RECQL5: variants seen among roughly 807,000 people sequenced by gnomAD.
RECQL5 encodes RecQ like helicase 5, also known as ATP-dependent DNA helicase Q5.
Under a neutral mutation model 103.4 loss-of-function variants are expected in RECQL5, and 88 were observed. The ratio of observed to expected loss-of-function variants is 0.85; its 90% CI spans 0.72 to 1.02. RECQL5 has a LOEUF of 1.02. RECQL5 is among the 50% of genes least tolerant of loss of function. RECQL5 has a pLI of 0.00. For synonymous variants in RECQL5, 552 were observed against 507.9 expected, an observed-to-expected ratio of 1.09 and a Z score of -1.17; for missense variants, 1,232 against 1,284.3, an observed-to-expected ratio of 0.96 and a Z score of 0.62.
At chr17:75,642,029 C>T (rs900568923) in intron 8 of RECQL5, among the ~76,000 whole-genome samples, 2 of 152,168 alleles carry the variant, frequency 1.3e-5, no homozygotes, top group South Asian at 2.1e-4. Flanking sequence ...ATCACCATGA[C>T]CCGTTATTAT....
In RECQL5 at chr17:75,636,277, G is replaced by A. The variant is rs1451202893; in HGVS notation, c.1230-4609C>T. Among the ~76,000 whole-genome samples, 1 of 152,094 alleles carries A rather than the reference G, an allele frequency of 6.6e-6. No individual in the cohort carries two copies. Among genetic ancestry groups the A allele is most frequent in the Non-Finnish European group, 1.5e-5 (1 of 68,008 alleles). On this transcript the variant is annotated intron_variant, in intron 8 of 19. Coordinates refer to ENST00000317905, the MANE Select transcript of RECQL5 (RefSeq NM_004259.7). The surrounding 1 kb of genome is among the most constrained non-coding windows in gnomAD (Gnocchi z 5.4). The stretch of plus-strand genomic sequence containing the variant: ...GGACTCTGGTTGCCCTGGTTCGCAG[G>A]TGGGCACTACCAAGCGTGGGGTTGG...
At chr17:75,641,190 A>G in intron 8 of RECQL5, 1 of 366,918 alleles carries the variant, frequency 2.7e-6, no homozygotes, top group East Asian at 4.9e-5. Context: ...TTAACAAAAC[A>G]AGGAAGTAGG....
intron 15 of RECQL5, 73 bp from the exon 16 acceptor site, chr17:75,629,548 T>C (rs1034360739): frequency 2.7e-5 from 40 of 1,497,052 alleles, no homozygotes; most frequent in Non-Finnish European, 3.2e-5. Flanking sequence ...GCTGGAGCAG[T>C]AACTCACATT....
rs753625950 is a variant in RECQL5 at position 75,665,143 on chromosome 17, T to A, written c.160A>T (p.Thr54Ser). The change falls in exon 3 of 20, where the codon ACA becomes TCA. Residue 54 changes from threonine to serine, a missense_variant. Thr to Ser is a moderately conservative substitution (Grantham distance 58, BLOSUM62 1). Coordinates refer to ENST00000317905, the MANE Select transcript of RECQL5 (RefSeq NM_004259.7). ...GNKDVFVCMP[T>S]GAGKSLCYQL... Reference sequence around the variant, plus strand: ...TAGCATAGGGATTTTCCTGCCCCTGTGGGCATGCACACAAAGACGTCCTTG... The same window carrying A: ...TAGCATAGGGATTTTCCTGCCCCTGAGGGCATGCACACAAAGACGTCCTTG... The A allele has an allele frequency of 1.2e-6, 2 of 1,611,558 alleles. No individual in the cohort carries two copies. Among genetic ancestry groups the A allele is most frequent in the Non-Finnish European group, 1.7e-6 (2 of 1,179,224 alleles).
At position 75,630,632 on chromosome 17, in the gene RECQL5, G is replaced by C. The variant is rs776375606; in HGVS notation, c.1705C>G (p.Arg569Gly). The C allele has an allele frequency of 1.2e-5, 19 of 1,613,584 alleles. No individual in the cohort carries two copies. Among genetic ancestry groups the C allele is most frequent in the Non-Finnish European group, 1.6e-5 (19 of 1,179,858 alleles). Reference sequence around the variant, plus strand: ...CGTGGAACTCACTCATCAGCGGTACGTGTTGACTGGCGGTTGCTGCTCAGC... The same window carrying C: ...CGTGGAACTCACTCATCAGCGGTACCTGTTGACTGGCGGTTGCTGCTCAGC... ...EALSSNRQST[R>G]TADEADLRAK... The change falls in exon 13 of 20, where the codon CGT becomes GGT. Residue 569 changes from arginine (R) to glycine (G), a missense_variant. By Grantham distance (125) the Arg-to-Gly change is moderately radical. Coordinates refer to ENST00000317905, the MANE Select transcript of RECQL5 (RefSeq NM_004259.7).
chr17:75,631,665 G>A lies in RECQL5; in HGVS notation c.1233C>T (p.Cys411=). The change falls in exon 9 of 20, where the codon TGC becomes TGT. Residue 411 remains cysteine, a synonymous_variant. Transcript: ENST00000317905. ...ALVTFCEELG[C]RHAAIAKYFG... ...AGTACTTGGCAATGGCGGCATGGCG[G>A]CACCTGGAGCAGGCAGCACCGCAGA... 1 of 1,610,432 alleles carries A rather than the reference G, an allele frequency of 6.2e-7. No individual in the cohort carries two copies. Among genetic ancestry groups the A allele is most frequent in the Non-Finnish European group, 8.5e-7 (1 of 1,179,524 alleles).
At chr17:75,630,491 T>C in intron 13 of RECQL5, 128 bp downstream of exon 13, 10 of 1,060,398 alleles carry the variant, frequency 9.4e-6, no homozygotes, top group Non-Finnish European at 1.4e-5. Context: ...GTAGGGGCAG[T>C]CCCCTGGAGT....
intron 8 of RECQL5, chr17:75,650,098 A>G (rs2059536336): frequency 1.0e-6 from 1 of 985,674 alleles, no homozygotes; most frequent in Admixed American, 6.1e-5. Flanking sequence ...ATTCCTCACC[A>G]GAAATAAGAG....
In RECQL5 at chr17:75,631,140, C is replaced by G. The variant is rs769101788; in HGVS notation, c.1548+10G>C. ...GGGCCCCACACAGGCCACTGAGTGC[C>G]TCCCCTCACCTTGCGCAGCTGCATC... On this transcript the variant is annotated intron_variant, in intron 10 of 19. Coordinates refer to ENST00000317905, the MANE Select transcript of RECQL5 (RefSeq NM_004259.7). 2 of 1,613,308 alleles carry G rather than the reference C, an allele frequency of 1.2e-6. No individual in the cohort carries two copies. Among genetic ancestry groups the G allele is most frequent in the East Asian group, 4.5e-5 (2 of 44,874 alleles).
chr17:75,653,043 G>C (rs1032751779), intron 7 of RECQL5, among the ~76,000 whole-genome samples: 1 of 152,210 alleles, frequency 6.6e-6, no homozygotes, highest in African/African-American at 2.4e-5. Context: ...CACACAGCAG[G>C]CAGAGCCCCA....
At chr17:75,633,008 G>A (rs2059247875) in intron 8 of RECQL5, among the ~76,000 whole-genome samples, 1 of 152,264 alleles carries the variant, frequency 6.6e-6, no homozygotes, top group South Asian at 2.1e-4. Flanking sequence ...ACCCCGGTAA[G>A]GAAGCAGGGC....
Position 75,661,551 on chromosome 17 carries a change from C to T in RECQL5, c.874+55G>A, listed in dbSNP as rs952922480. On this transcript the variant is annotated intron_variant, in intron 5 of 19. Coordinates refer to ENST00000317905, the MANE Select transcript of RECQL5 (RefSeq NM_004259.7). ...ACCAGGATCTGTAAAGAACAAGAGA[C>T]CAGCTAAGAAGCCTCTGAGGGTGAA... 2.5e-6 allele frequency: 3 copies of T among 1,217,898 alleles called. No homozygotes were observed. The East Asian group carries it at 7.0e-5, about 28-fold the overall frequency. 75.4% of individuals were successfully genotyped at this position (1,217,898 alleles called of 1,614,324 possible).
At chr17:75,634,065 C>G in intron 8 of RECQL5, 1 of 985,608 alleles carries the variant, frequency 1.0e-6, no homozygotes, top group Non-Finnish European at 1.2e-6. Flanking sequence ...CAGGCAGAGA[C>G]AGCAGCTGGC....
At chr17:75,642,827 T>G (rs1262275863) in intron 8 of RECQL5, among the ~76,000 whole-genome samples, 2 of 152,238 alleles carry the variant, frequency 1.3e-5, no homozygotes, top group Non-Finnish European at 2.9e-5. Context: ...AGGTAACTTG[T>G]CTACATTCAA....
At position 75,629,479 on chromosome 17, in the gene RECQL5, T is replaced by C; in HGVS notation, c.1948-4A>G. 1 of 1,501,118 alleles carries C rather than the reference T, an allele frequency of 6.7e-7. No individual in the cohort carries two copies. The highest frequency in any genetic ancestry group is 8.9e-7 in the Non-Finnish European group (1 of 1,125,510). 93.0% of individuals were successfully genotyped at this position (1,501,118 alleles called of 1,614,324 possible). A position where few individuals can be genotyped will look rare whatever the true frequency, so the allele number is the denominator to read the frequency against. On this transcript the variant is annotated splice_polypyrimidine_tract_variant and splice_region_variant and intron_variant, in intron 15 of 19. Transcript: ENST00000317905. ...CTCCCACCCGCTTGGGTTTGAGCTG[T>C]AAATGTGAGCAGGAGGAGAGGAGGT...
Position 75,629,146 on chromosome 17 carries a change from C to T in RECQL5, c.2277G>A (p.Lys759=), listed in dbSNP as rs370199838. 1.9e-6 allele frequency: 3 copies of T among 1,613,712 alleles called. No homozygotes were observed. The African/African-American group carries it at 4.0e-5, about 22-fold the overall frequency. The change falls in exon 16 of 20, where the codon AAG becomes AAA. Residue 759 remains lysine (K), a synonymous_variant. Coordinates refer to ENST00000317905, the MANE Select transcript of RECQL5 (RefSeq NM_004259.7). ...KQQLLATAAH[K]DSQSIARFFC... Reference sequence around the variant, plus strand: ...AGAAGCGGGCGATGCTCTGAGAATCCTTGTGGGCCGCTGTGGCTAGGAGCT... The same window carrying T: ...AGAAGCGGGCGATGCTCTGAGAATCTTTGTGGGCCGCTGTGGCTAGGAGCT...
At chr17:75,627,808 A>G (rs1451024295) in intron 18 of RECQL5, 116 bp from the exon 19 acceptor site, 1 of 844,760 alleles carries the variant, frequency 1.2e-6, no homozygotes, top group African/African-American at 1.7e-5. Flanking sequence ...TCATGAGGTC[A>G]GGAGATCGAG....
At chr17:75,650,718 C>T in intron 8 of RECQL5, 2 of 1,613,232 alleles carry the variant, frequency 1.2e-6, no homozygotes, top group African/African-American at 2.7e-5. Flanking sequence ...TGCCCCATCG[C>T]CTGCAGATGC....
chr17:75,665,723 T>G (rs1044292765), intron 2 of RECQL5, among the ~76,000 whole-genome samples: 1 of 150,524 alleles, frequency 6.6e-6, no homozygotes, highest in Non-Finnish European at 1.5e-5. Flanking sequence ...AGTCTGAGTC[T>G]GCTGTGATAT....
Sources: allele counts gnomAD v4.1 joint callset (sites outside exome capture counted in the v4.1 genomes callset), GRCh38; gene constraint gnomAD v4.1.1; non-coding constraint Gnocchi (gnomAD v3.1); transcripts MANE v1.5; gene names NCBI Gene and HGNC (gene_info 2026-07-23, HGNC 2026-07-21).